The following SUGCT variants were observed in gnomAD, a reference collection of about 807,000 sequenced individuals.
SUGCT encodes succinyl-CoA:glutarate CoA-transferase.
Under a neutral mutation model 55.0 loss-of-function variants are expected in SUGCT, and 41 were observed. The ratio of observed to expected loss-of-function variants is 0.74; its 90% CI spans 0.58 to 0.97. The LOEUF is 0.97. Ranked by LOEUF, SUGCT falls within the 50% of genes least tolerant of loss-of-function variation. The probability of loss-of-function intolerance (pLI) is 0.00; values close to 1 mark genes in which losing one functional copy is unlikely to be tolerated. For synonymous variants in SUGCT, 187 were observed against 200.4 expected (o/e 0.93, Z 0.56); for missense variants, 568 against 547.8 (o/e 1.04, Z -0.37).
chr7:40,714,613 T>A (rs974927152), intron 12 of SUGCT, among the ~76,000 whole-genome samples: 1 of 152,192 alleles, frequency 6.6e-6, no homozygotes, highest in African/African-American at 2.4e-5. Flanking sequence ...TAAGATCTTC[T>A]CCATTATTTA....
At chr7:40,906,467 G>A in the SUGCT span, among the ~76,000 whole-genome samples, 1 of 152,176 alleles carries the variant, frequency 6.6e-6, no homozygotes, top group African/African-American at 2.4e-5. Context: ...GTCCTGACAA[G>A]TATGTGGGCC....
intron 12 of SUGCT, among the ~76,000 whole-genome samples, chr7:40,721,826 G>C (rs903829310): frequency 6.6e-6 from 1 of 152,314 alleles, no homozygotes; most frequent in African/African-American, 2.4e-5. Context: ...TGTACAATCT[G>C]TGAAGGGATG....
At chr7:41,026,609 A>G in the SUGCT span, among the ~76,000 whole-genome samples, 1 of 152,244 alleles carries the variant, frequency 6.6e-6, no homozygotes, top group African/African-American at 2.4e-5. Context: ...TTATTTAGGT[A>G]AACACAATCT....
intron 7 of SUGCT, among the ~76,000 whole-genome samples, chr7:40,240,092 T>C (rs1191691685): frequency 6.6e-6 from 1 of 152,196 alleles, no homozygotes; most frequent in African/African-American, 2.4e-5. Context: ...CAGGGTGCTA[T>C]GAACATATAT....
chr7:40,600,592 A>T (rs1798243444), intron 12 of SUGCT, among the ~76,000 whole-genome samples: 1 of 152,170 alleles, frequency 6.6e-6, no homozygotes, highest in African/African-American at 2.4e-5. Flanking sequence ...TAACTTCCTA[A>T]TTGATTTGAA....
intron 12 of SUGCT, among the ~76,000 whole-genome samples, chr7:40,679,512 C>T (rs1349337184): frequency 6.6e-6 from 1 of 152,148 alleles, no homozygotes; most frequent in Non-Finnish European, 1.5e-5. Flanking sequence ...AACAACTCCC[C>T]TCATTTATGC....
the SUGCT span, among the ~76,000 whole-genome samples, chr7:40,939,849 T>G: frequency 2.0e-5 from 3 of 152,232 alleles, no homozygotes; most frequent in African/African-American, 7.2e-5. Flanking sequence ...ACTCTGATGA[T>G]TGTCTCTTTT....
intron 12 of SUGCT, among the ~76,000 whole-genome samples, chr7:40,699,406 C>T (rs1785078434): frequency 6.6e-6 from 1 of 152,170 alleles, no homozygotes; most frequent in Admixed American, 6.5e-5. Flanking sequence ...GGCCACATGG[C>T]AGTGGACACT....
chr7:40,227,454 C>A (rs963906908), intron 6 of SUGCT, among the ~76,000 whole-genome samples: 1 of 151,984 alleles, frequency 6.6e-6, no homozygotes, highest in African/African-American at 2.4e-5. Flanking sequence ...CTCCTTGACC[C>A]CTTGGGTTCA....
chr7:40,584,307 G>A (rs1182239213), intron 12 of SUGCT, among the ~76,000 whole-genome samples: 1 of 152,124 alleles, frequency 6.6e-6, no homozygotes, highest in Non-Finnish European at 1.5e-5. Context: ...AAACAAGTAA[G>A]TCTTTAGGCA....
At chr7:40,632,256 T>G (rs993796237) in intron 12 of SUGCT, among the ~76,000 whole-genome samples, 1 of 152,068 alleles carries the variant, frequency 6.6e-6, no homozygotes, top group African/African-American at 2.4e-5. Context: ...CTTGATAAGC[T>G]CAAGCCTTGA....
At chr7:40,552,508 C>T (rs1434583278) in intron 12 of SUGCT, among the ~76,000 whole-genome samples, 1 of 152,130 alleles carries the variant, frequency 6.6e-6, no homozygotes, top group African/African-American at 2.4e-5. Context: ...TGGAATGGCT[C>T]AACTCCCCCA....
chr7:40,959,822 T>G, the SUGCT span, among the ~76,000 whole-genome samples: 3 of 152,138 alleles, frequency 2.0e-5, no homozygotes, highest in African/African-American at 4.8e-5. Flanking sequence ...TGAGGGAATC[T>G]CCTGGTGTGT....
rs528481058 is a variant in SUGCT at position 40,382,681 on chromosome 7, C to A, written c.816+65826C>A. ...TGTATTTGTGTTAAATAGCAAGGAA[C>A]TGACCTAAAACAAAAGAGAAAACTT... On this transcript the variant is annotated intron_variant, in intron 9 of 13. Transcript: ENST00000335693. Among the ~76,000 whole-genome samples, 9 of 152,268 alleles carry A rather than the reference C, an allele frequency of 5.9e-5. No individual in the cohort carries two copies. The South Asian group carries it at 1.7e-3, about 28-fold the overall frequency.
At chr7:40,828,949 G>A (rs1452181173) in intron 13 of SUGCT, among the ~76,000 whole-genome samples, 5 of 152,180 alleles carry the variant, frequency 3.3e-5, no homozygotes, top group Non-Finnish European at 7.3e-5. Context: ...ATAGTGAGAT[G>A]GGAGACCAGC....
At chr7:40,560,519 A>G (rs1219749962) in intron 12 of SUGCT, among the ~76,000 whole-genome samples, 1 of 152,188 alleles carries the variant, frequency 6.6e-6, no homozygotes, top group African/African-American at 2.4e-5. Context: ...CCTTATGGAA[A>G]ACACAGAACT....
At position 40,732,544 on chromosome 7, in the gene SUGCT, A is replaced by G. The variant is rs78797812; in HGVS notation, c.1090-16890A>G. Reference sequence around the variant, plus strand: ...GCATCGGACATAGGGTTCAACTTCAAGGAAAGTCTTTATTGTGAGCAAAAG... The same window carrying G: ...GCATCGGACATAGGGTTCAACTTCAGGGAAAGTCTTTATTGTGAGCAAAAG... On this transcript the variant is annotated intron_variant, in intron 12 of 13. Transcript: ENST00000335693. Among the ~76,000 whole-genome samples, 1,413 of 152,266 alleles carry G rather than the reference A, an allele frequency of 9.3e-3. 17 individuals are homozygous for G. The highest frequency in any genetic ancestry group is 0.032 in the African/African-American group (1,326 of 41,536).
intron 8 of SUGCT, among the ~76,000 whole-genome samples, chr7:40,279,824 G>A (rs981206261): frequency 2.6e-5 from 4 of 151,998 alleles, no homozygotes; most frequent in East Asian, 1.9e-4. Flanking sequence ...TCAAAAAAGC[G>A]TAACAGGAAA....
intron 9 of SUGCT, among the ~76,000 whole-genome samples, chr7:40,361,896 C>T (rs1175527353): frequency 6.6e-6 from 1 of 151,886 alleles, no homozygotes; most frequent in Non-Finnish European, 1.5e-5. Flanking sequence ...GCCTGAGACC[C>T]ATCGCCAGAG....
Sources: gnomAD v4.1 joint callset for allele counts (sites outside exome capture counted in the v4.1 genomes callset) on GRCh38, gnomAD v4.1.1 for gene constraint, MANE v1.5 for transcripts, NCBI Gene and HGNC (gene_info 2026-07-23, HGNC 2026-07-21) for gene names.